DLGAP1: variants seen among roughly 807,000 people sequenced by gnomAD.
The protein encoded by DLGAP1 is DLG associated protein 1.
Under a neutral mutation model 90.8 loss-of-function variants are expected in DLGAP1, and 11 were observed. The observed-to-expected ratio is 0.12, with a 90% CI of 0.08 to 0.20. The LOEUF (loss-of-function observed/expected upper bound fraction) is 0.20. Ranked by LOEUF, DLGAP1 falls within the 10% of genes least tolerant of loss-of-function variation. DLGAP1 has a pLI of 1.00. For synonymous variants in DLGAP1, 558 were observed against 540.7 expected (o/e 1.03, Z -0.44); for missense variants, 1,050 against 1,333.8 (o/e 0.79, Z 3.31).
chr18:3,641,807 G>A (rs546359571), intron 7 of DLGAP1, among the ~76,000 whole-genome samples: 2 of 152,212 alleles, frequency 1.3e-5, no homozygotes, highest in East Asian at 3.9e-4. Flanking sequence ...ATAGATGCTG[G>A]GCCTAGGCTT....
chr18:3,986,461 G>T (rs1409466364), intron 3 of DLGAP1: 1 of 151,116 alleles, frequency 6.6e-6, no homozygotes, highest in Non-Finnish European at 1.5e-5. Context: ...GCTCAGGCTG[G>T]TCTCGAACTT....
intron 5 of DLGAP1, among the ~76,000 whole-genome samples, chr18:3,766,867 A>G (rs542675422): frequency 9.2e-5 from 14 of 152,232 alleles, no homozygotes; most frequent in Admixed American, 5.9e-4. Context: ...ATGTTAGAAA[A>G]GAAGTCTCAA....
chr18:4,224,750 C>T (rs2078150285), intron 1 of DLGAP1, among the ~76,000 whole-genome samples: 1 of 151,748 alleles, frequency 6.6e-6, no homozygotes, highest in African/African-American at 2.4e-5. Flanking sequence ...TATCTCTGGA[C>T]CCACCTGGGG....
At chr18:4,078,126 T>G (rs2075551508) in intron 2 of DLGAP1, among the ~76,000 whole-genome samples, 6 of 151,744 alleles carry the variant, frequency 4.0e-5, no homozygotes, top group Admixed American at 3.9e-4. Flanking sequence ...GGGAAATAAG[T>G]TACTAAAGCT....
At chr18:3,949,632 C>T (rs1230188548) in intron 3 of DLGAP1, among the ~76,000 whole-genome samples, 3 of 152,152 alleles carry the variant, frequency 2.0e-5, no homozygotes, top group African/African-American at 7.2e-5. Flanking sequence ...GCCTCTTTGT[C>T]GATGCAGGAC....
chr18:3,964,096 G>A (rs1428537823), intron 3 of DLGAP1, among the ~76,000 whole-genome samples: 1 of 152,170 alleles, frequency 6.6e-6, no homozygotes, highest in African/African-American at 2.4e-5. Flanking sequence ...ATTAGGAGGA[G>A]TGGGTTAAGA....
intron 2 of DLGAP1, among the ~76,000 whole-genome samples, chr18:4,053,546 G>C (rs1426356445): frequency 6.6e-6 from 1 of 152,194 alleles, no homozygotes; most frequent in East Asian, 1.9e-4. Flanking sequence ...TGTTGAATTA[G>C]AGTTCTCATG....
chr18:3,856,205 T>A (rs2069632592), intron 4 of DLGAP1, among the ~76,000 whole-genome samples: 1 of 152,112 alleles, frequency 6.6e-6, no homozygotes, highest in South Asian at 2.1e-4. Flanking sequence ...TTTGAATAGG[T>A]TACTAAGTAA....
intron 7 of DLGAP1, among the ~76,000 whole-genome samples, chr18:3,685,389 C>T (rs1404055053): frequency 6.6e-6 from 1 of 151,808 alleles, no homozygotes; most frequent in Non-Finnish European, 1.5e-5. Context: ...CAGTGAAACC[C>T]CGTCTCTACT....
At chr18:3,777,818 G>GC (rs2065004170) in intron 5 of DLGAP1, among the ~76,000 whole-genome samples, 2 of 152,088 alleles carry the variant, frequency 1.3e-5, no homozygotes, top group Non-Finnish European at 2.9e-5. Flanking sequence ...ATAGGAATTG[G>GC]CCCCCTGACC....
chr18:4,044,451 T>C (rs1054633127), intron 2 of DLGAP1, among the ~76,000 whole-genome samples: 8 of 152,276 alleles, frequency 5.3e-5, no homozygotes, highest in Admixed American at 3.9e-4. Flanking sequence ...TTGTTAAAAA[T>C]ACAAATCCCG....
At chr18:3,514,682 A>T (rs1243235142) in intron 10 of DLGAP1, among the ~76,000 whole-genome samples, 2 of 152,238 alleles carry the variant, frequency 1.3e-5, no homozygotes, top group Non-Finnish European at 2.9e-5. Flanking sequence ...AGTTATGTTT[A>T]CACTATACTG....
intron 1 of DLGAP1, among the ~76,000 whole-genome samples, chr18:4,448,974 G>T (rs937161406): frequency 6.6e-6 from 1 of 152,112 alleles, no homozygotes; most frequent in East Asian, 1.9e-4. Flanking sequence ...GTGAACTTTT[G>T]CTTTCTTCCA....
intron 7 of DLGAP1, among the ~76,000 whole-genome samples, chr18:3,666,589 T>C (rs2059892955): frequency 6.6e-6 from 1 of 152,198 alleles, no homozygotes; most frequent in Non-Finnish European, 1.5e-5. Context: ...GAGAATGCAG[T>C]TCTAAATGGC....
chr18:4,069,958 G>T (rs532617128), intron 2 of DLGAP1, among the ~76,000 whole-genome samples: 1 of 151,680 alleles, frequency 6.6e-6, no homozygotes, highest in Non-Finnish European at 1.5e-5. Context: ...ACAGACAAAG[G>T]CTTAATCCAT....
At chr18:4,331,427 C>T (rs749683293) in intron 1 of DLGAP1, among the ~76,000 whole-genome samples, 7 of 151,778 alleles carry the variant, frequency 4.6e-5, no homozygotes, top group Non-Finnish European at 8.8e-5. Context: ...TACCTGTCTC[C>T]ACATCCACAG....
Position 3,499,280 on chromosome 18 carries a change from C to T in DLGAP1, c.2839G>A (p.Ala947Thr). 4 of 1,596,500 alleles carry T rather than the reference C, an allele frequency of 2.5e-6. No homozygotes were observed. Among genetic ancestry groups the T allele is most frequent in the African/African-American group, 1.3e-5 (1 of 74,324 alleles). ...QRQEARKRLM[A>T]AKRAASVRQN... ...CGGACGGACGCGGCGCGCTTGGCGGCCATCAGGCGCTTGCGGGCCTCCTGG... is the reference window on the plus strand; with the variant it reads ...CGGACGGACGCGGCGCGCTTGGCGGTCATCAGGCGCTTGCGGGCCTCCTGG... Residue 947 changes from alanine (A) to threonine (T), a missense_variant, in exon 13 of 13, where the codon GCC becomes ACC. Coordinates refer to ENST00000315677, the MANE Select transcript of DLGAP1 (RefSeq NM_004746.4). This position sits in a 1 kb window ranked among gnomAD's most constrained non-coding sequence, Gnocchi z 6.4.
intron 9 of DLGAP1, among the ~76,000 whole-genome samples, chr18:3,551,679 CT>C: frequency 1.0e-3 from 1 of 962 alleles, no homozygotes; most frequent in Non-Finnish European, 3.7e-3. Flanking sequence ...TTTCTTTTCC[CT>C]CCCCTCCCTC....
At chr18:3,659,556 A>G (rs1311242902) in intron 7 of DLGAP1, among the ~76,000 whole-genome samples, 4 of 150,658 alleles carry the variant, frequency 2.7e-5, no homozygotes, top group African/African-American at 4.9e-5. Flanking sequence ...TCTCAGCTCA[A>G]TATCTTTTTT....
Sources: gnomAD v4.1 joint callset for allele counts (sites outside exome capture counted in the v4.1 genomes callset) on GRCh38, gnomAD v4.1.1 for gene constraint, Gnocchi (gnomAD v3.1) non-coding constraint, MANE v1.5 for transcripts, NCBI Gene and HGNC (gene_info 2026-07-23, HGNC 2026-07-21) for gene names.